The following NXPH2 variants were observed in gnomAD, a reference collection of about 807,000 sequenced individuals.
The protein encoded by NXPH2 is neurexophilin-2.
Under a neutral mutation model 19.8 loss-of-function variants are expected in NXPH2, and 5 were observed. The ratio of observed to expected loss-of-function variants is 0.25; its 90% CI spans 0.13 to 0.53. The LOEUF (loss-of-function observed/expected upper bound fraction) is 0.53, where lower values mean the gene tolerates loss of function less well. Among genes scored for constraint, NXPH2 ranks in the 20% least tolerant of loss-of-function variants. The pLI is 0.96. For synonymous variants in NXPH2, 154 were observed against 127.4 expected (o/e 1.21, Z -1.41); for missense variants, 289 against 322.8 (o/e 0.90, Z 0.80).
chr2:138,715,975 C>A (rs1372101231), intron 1 of NXPH2, among the ~76,000 whole-genome samples: 2 of 152,130 alleles, frequency 1.3e-5, no homozygotes, highest in East Asian at 1.9e-4. Context: ...AAAGTTAATT[C>A]TTACATATAT....
chr2:138,693,096 C>T lies in NXPH2; in HGVS notation c.52-21431G>A, dbSNP rs115229842. ...TTTCTTTCTTAATGCCTTTGCTTGA[C>T]TTTTTTCATGGTTTGTTCCATGAAT... On this transcript the variant is annotated intron_variant, in intron 1 of 1. Coordinates refer to ENST00000272641, the MANE Select transcript of NXPH2 (RefSeq NM_007226.3). 8.8e-3 allele frequency among the ~76,000 whole-genome samples: 1,336 copies of T among 152,174 alleles called. 17 individuals carry two copies. Among genetic ancestry groups the T allele is most frequent in the African/African-American group, 0.031 (1,288 of 41,512 alleles).
chr2:138,761,256 G>A (rs1682010494), intron 1 of NXPH2, among the ~76,000 whole-genome samples: 2 of 152,050 alleles, frequency 1.3e-5, no homozygotes. Flanking sequence ...TCTCTGAAGG[G>A]TCCCATTGCT....
intron 1 of NXPH2, among the ~76,000 whole-genome samples, chr2:138,766,037 A>G (rs756561716): frequency 3.3e-5 from 5 of 152,242 alleles, no homozygotes; most frequent in Non-Finnish European, 5.9e-5. Context: ...GACAGTGTCT[A>G]GTAGGAAAGG....
At chr2:138,699,682 T>C (rs1680888726) in intron 1 of NXPH2, among the ~76,000 whole-genome samples, 1 of 152,138 alleles carries the variant, frequency 6.6e-6, no homozygotes, top group South Asian at 2.1e-4. Context: ...GGATGAATGC[T>C]AGCACAAGGG....
chr2:138,672,736 G>C (rs1390069660), intron 1 of NXPH2, among the ~76,000 whole-genome samples: 1 of 152,160 alleles, frequency 6.6e-6, no homozygotes, highest in Non-Finnish European at 1.5e-5. Context: ...AAGAAGTGAG[G>C]CTGTGTTTAT....
At chr2:138,717,806 TA>T (rs1681215459) in intron 1 of NXPH2, among the ~76,000 whole-genome samples, 1 of 152,128 alleles carries the variant, frequency 6.6e-6, no homozygotes, top group Non-Finnish European at 1.5e-5. Flanking sequence ...AAAACAACTC[TA>T]AAAATTCTAA....
At chr2:138,711,134 C>G (rs772580088) in intron 1 of NXPH2, among the ~76,000 whole-genome samples, 56 of 109,222 alleles carry the variant, frequency 5.1e-4, no homozygotes, top group Non-Finnish European at 1.0e-3. Flanking sequence ...ATTTCCTTCC[C>G]ATTTCTATCA....
At chr2:138,710,150 T>C (rs1681083870) in intron 1 of NXPH2, among the ~76,000 whole-genome samples, 1 of 152,218 alleles carries the variant, frequency 6.6e-6, no homozygotes, top group South Asian at 2.1e-4. Flanking sequence ...TTCATGTTAG[T>C]GGAGTCATAC....
At chr2:138,693,074 C>A (rs978786602) in intron 1 of NXPH2, among the ~76,000 whole-genome samples, 1 of 152,068 alleles carries the variant, frequency 6.6e-6, no homozygotes, top group Non-Finnish European at 1.5e-5. Flanking sequence ...CATATTATTT[C>A]TTTCTTAATG....
chr2:138,688,638 A>C (rs550798884), intron 1 of NXPH2, among the ~76,000 whole-genome samples: 1 of 152,342 alleles, frequency 6.6e-6, no homozygotes, highest in South Asian at 2.1e-4. Context: ...ATTATATATG[A>C]GTTCAGATGT....
At chr2:138,711,145 C>CTTTT (rs397766605) in intron 1 of NXPH2, among the ~76,000 whole-genome samples, 10 of 91,090 alleles carry the variant, frequency 1.1e-4, no homozygotes, top group African/African-American at 2.0e-4. Context: ...ATTTCTATCA[C>CTTTT]TTTTTTTTTT....
intron 1 of NXPH2, among the ~76,000 whole-genome samples, chr2:138,675,938 AG>A (rs1680477654): frequency 7.6e-6 from 1 of 131,622 alleles, no homozygotes; most frequent in Non-Finnish European, 1.6e-5. Flanking sequence ...TTAGGTAAAA[AG>A]TACATATATA....
intron 1 of NXPH2, among the ~76,000 whole-genome samples, chr2:138,696,123 G>C (rs1238353234): frequency 1.3e-5 from 2 of 152,180 alleles, no homozygotes; most frequent in African/African-American, 2.4e-5. Context: ...GGTTGGGAAA[G>C]TGTCTGGAAG....
chr2:138,721,468 GT>G (rs1285124465), intron 1 of NXPH2, among the ~76,000 whole-genome samples: 3 of 150,338 alleles, frequency 2.0e-5, no homozygotes, highest in East Asian at 1.9e-4. Flanking sequence ...ATAGAAGTTT[GT>G]TTTTTTTTAA....
intron 1 of NXPH2, among the ~76,000 whole-genome samples, chr2:138,771,227 C>T (rs554795976): frequency 2.0e-4 from 30 of 151,916 alleles, no homozygotes; most frequent in Middle Eastern, 3.4e-3. Flanking sequence ...CATATCAATG[C>T]CATGAAATAC....
At chr2:138,738,638 C>T (rs4954954) in intron 1 of NXPH2, among the ~76,000 whole-genome samples, 145,371 of 152,288 alleles carry the variant, frequency 0.95, 69,467 homozygotes, top group East Asian at 1. Flanking sequence ...CTTTTACAGT[C>T]TTGTTCCTAC....
chr2:138,679,975 C>A (rs34693630), intron 1 of NXPH2, among the ~76,000 whole-genome samples: 42,882 of 151,728 alleles, frequency 0.28, 6,674 homozygotes, highest in Non-Finnish European at 0.36. Context: ...AGAAAAAGAT[C>A]TGTCACTGCG....
chr2:138,733,288 C>T (rs1193029629), intron 1 of NXPH2, among the ~76,000 whole-genome samples: 1 of 152,106 alleles, frequency 6.6e-6, no homozygotes, highest in African/African-American at 2.4e-5. Flanking sequence ...AACAAAAGGC[C>T]ACTTTGTTAA....
In NXPH2 at chr2:138,688,278, G is replaced by A. The variant is rs542497444; in HGVS notation, c.52-16613C>T. On this transcript the variant is annotated intron_variant, in intron 1 of 1. Coordinates refer to ENST00000272641, the MANE Select transcript of NXPH2 (RefSeq NM_007226.3). ...AGGTCACTGCAACCTCCGCCTTCCG[G>A]GTTCAAGCCATTCTCCTGCCTCAGC... 2.0e-5 allele frequency among the ~76,000 whole-genome samples: 3 copies of A among 152,248 alleles called. No individual in the cohort carries two copies. In the East Asian group the frequency reaches 5.8e-4, roughly 29 times the overall value.
Sources: allele counts gnomAD v4.1 joint callset (sites outside exome capture counted in the v4.1 genomes callset), GRCh38; gene constraint gnomAD v4.1.1; transcripts MANE v1.5; gene names NCBI Gene and HGNC (gene_info 2026-07-23, HGNC 2026-07-21).